The following CCDC177 variants were observed in gnomAD, a reference collection of about 807,000 sequenced individuals.
CCDC177 encodes coiled-coil domain-containing protein 177.
In CCDC177, 2 loss-of-function variants were observed where a neutral mutation model predicts 7.3. The observed-to-expected ratio is 0.28, with a 90% CI of 0.11 to 0.87. The LOEUF (loss-of-function observed/expected upper bound fraction) is 0.87, where lower values mean the gene tolerates loss of function less well. Among genes scored for constraint, CCDC177 ranks in the 40% least tolerant of loss-of-function variants. The pLI is 0.61. For missense variants in CCDC177, 874 were observed against 970.5 expected, an observed-to-expected ratio of 0.90 and a Z score of 1.32; for synonymous variants, 401 against 449.2, an observed-to-expected ratio of 0.89 and a Z score of 1.36.
rs1267039080 is a variant in CCDC177, at chr14:69,572,807, C to A, written c.816G>T (p.Arg272Ser). Residue 272 changes from arginine (R) to serine (S), a missense_variant, in exon 2 of 2, where the codon AGG becomes AGT. Transcript: ENST00000599174. ...ACGCCGACCCCGCTGGGCAGCTGTT[C>A]CTGGCCGAGGCCCGAGGCGGCCAGC... ...ELRWPPRASA[R>S]NSCPAGSASS... 8.1e-7 allele frequency: 1 copy of A among 1,231,464 alleles called. No homozygotes were observed. The highest frequency in any genetic ancestry group is 1.0e-6 in the Non-Finnish European group (1 of 987,784). The allele number at this position is 1,231,464 out of a possible 1,614,324, so 76.3% of individuals were successfully genotyped here.
At chr14:69,573,705 C>T (rs1032148814) in intron 1 of CCDC177, 55 bp from the exon 2 acceptor site, 1 of 1,222,658 alleles carries the variant, frequency 8.2e-7, no homozygotes. Flanking sequence ...CTTCCCCCCT[C>T]CTCATCCATA....
rs1884320647 is a variant in CCDC177 at position 69,571,404 on chromosome 14, G to T, written c.*95C>A. 5 of 882,082 alleles carry T rather than the reference G, an allele frequency of 5.7e-6. No individual in the cohort carries two copies. Among genetic ancestry groups the T allele is most frequent in the Admixed American group, 3.7e-5 (1 of 27,096 alleles). The allele number at this position is 882,082 out of a possible 1,614,324, so 54.6% of individuals were successfully genotyped here. On this transcript the variant is annotated 3_prime_UTR_variant, in exon 2 of 2. Transcript: ENST00000599174. ...TGGTCAGAAGCCTCGAGAGGCCACC[G>T]CGCTGCGCACCGAGCGGGGACTCCC...
rs1318633874 is a variant in CCDC177, at chr14:69,572,383, C to T, written c.1240G>A (p.Ala414Thr). The change falls in exon 2 of 2, where the codon GCG becomes ACG. Residue 414 changes from alanine to threonine, a missense_variant. Ala to Thr is a moderately conservative substitution (Grantham distance 58, BLOSUM62 0). Transcript: ENST00000599174. ...GRRGREEREA[A>T]RRRQRQYERS... ...TCGTACTGCCGCTGCCGCCGCCGCG[C>T]CGCCTCGCGCTCTTCGCGGCCACGG... is the stretch of plus-strand genomic sequence containing the variant. 6.6e-6 allele frequency: 8 copies of T among 1,220,270 alleles called. No homozygotes were observed. The East Asian group carries it at 2.6e-4, about 40-fold the overall frequency. 75.6% of individuals were successfully genotyped at this position (1,220,270 alleles called of 1,614,324 possible).
rs4899302 is a variant in CCDC177, at chr14:69,574,770, A to G, written c.-257T>C. Reference sequence around the variant, plus strand: ...AGGGGGAGTGCGACAATGTCTCCCTAAAATAACGCGGCTCTGCACCCTTCC... The same window carrying G: ...AGGGGGAGTGCGACAATGTCTCCCTGAAATAACGCGGCTCTGCACCCTTCC... On this transcript the variant is annotated 5_prime_UTR_variant, in exon 1 of 2. Coordinates refer to ENST00000599174, the MANE Select transcript of CCDC177 (RefSeq NM_001271507.2). The G allele has an allele frequency of 0.97, 146,960 of 152,278 alleles. 70,958 individuals carry two copies. Among genetic ancestry groups the G allele is most frequent in the South Asian group, 1 (4,810 of 4,820 alleles). 9.4% of individuals were successfully genotyped at this position (152,278 alleles called of 1,614,324 possible).
Position 69,572,917 on chromosome 14 carries a change from G to A in CCDC177, c.706C>T (p.Leu236=). The part of the protein sequence containing the change: ...TGRKSHSLDS[L]SRRREGALSS... Reference sequence around the variant, plus strand: ...AGGGCGCCCTCACGCCGGCGGGACAGTGAGTCCAGCGAATGGCTCTTCCTG... The same window carrying A: ...AGGGCGCCCTCACGCCGGCGGGACAATGAGTCCAGCGAATGGCTCTTCCTG... The change falls in exon 2 of 2, where the codon CTG becomes TTG. Residue 236 remains leucine (L), a synonymous_variant. Transcript: ENST00000599174. 1.6e-6 allele frequency: 2 copies of A among 1,231,466 alleles called. No individual in the cohort carries two copies. Among genetic ancestry groups the A allele is most frequent in the Non-Finnish European group, 1.0e-6 (1 of 987,806 alleles). The allele number at this position is 1,231,466 out of a possible 1,614,324, so 76.3% of individuals were successfully genotyped here.
intron 1 of CCDC177, among the ~76,000 whole-genome samples, 194 bp from the exon 2 acceptor site, chr14:69,573,844 C>G (rs920071310): frequency 1.3e-5 from 2 of 152,204 alleles, no homozygotes; most frequent in Non-Finnish European, 2.9e-5. Context: ...GGCGGACACT[C>G]GTGTTCAGAG....
Position 69,572,548 on chromosome 14 carries a change from G to C in CCDC177, c.1075C>G (p.Arg359Gly), listed in dbSNP as rs944663466. The C allele has an allele frequency of 8.1e-7, 1 of 1,231,124 alleles. No individual in the cohort carries two copies. Among genetic ancestry groups the C allele is most frequent in the Non-Finnish European group, 1.0e-6 (1 of 987,516 alleles). The allele number at this position is 1,231,124 out of a possible 1,614,324, so 76.3% of individuals were successfully genotyped here. A position where few individuals can be genotyped will look rare whatever the true frequency, so the allele number is the denominator to read the frequency against. Residue 359 changes from arginine (R) to glycine (G), a missense_variant, in exon 2 of 2, where the codon CGC (arginine) becomes GGC (glycine). Transcript: ENST00000599174. ...HQEELLLLEQ[R>G]AAAHGQWELQ... ...TCCCACTGGCCGTGGGCAGCCGCGCGTTGCTCCAGCAGCAGGAGCTCCTCC... is the reference window on the plus strand; with the variant it reads ...TCCCACTGGCCGTGGGCAGCCGCGCCTTGCTCCAGCAGCAGGAGCTCCTCC...
Position 69,570,561 on chromosome 14 carries a change from C to T in CCDC177, c.*938G>A. On this transcript the variant is annotated 3_prime_UTR_variant, in exon 2 of 2. Transcript: ENST00000599174. ...TCCTACACTCCAAACTCTCTGGGGC[C>T]CACCCTTGAGACGGCATGCAGGGCT... The T allele has an allele frequency of 2.9e-6, 1 of 350,852 alleles. No homozygotes were observed. The highest frequency in any genetic ancestry group is 5.6e-6 in the Non-Finnish European group (1 of 178,954). 21.7% of individuals were successfully genotyped at this position (350,852 alleles called of 1,614,324 possible).
In CCDC177 at chr14:69,572,099, C is replaced by G. The variant is rs954354607; in HGVS notation, c.1524G>C (p.Glu508Asp). 3 of 1,230,584 alleles carry G rather than the reference C, an allele frequency of 2.4e-6. No homozygotes were observed. The highest frequency in any genetic ancestry group is 3.0e-6 in the Non-Finnish European group (3 of 987,206). 76.2% of individuals were successfully genotyped at this position (1,230,584 alleles called of 1,614,324 possible). The change falls in exon 2 of 2, where the codon GAG (glutamate) becomes GAC (aspartate). Residue 508 changes from glutamate (E) to aspartate (D), a missense_variant. By Grantham distance (45) the Glu-to-Asp change is conservative (BLOSUM62 2). Transcript: ENST00000599174. ...QREKRELSRA[E>D]RARHEALLQG... ...GTAGCAGCGCCTCGTGGCGCGCCCG[C>G]TCGGCCCGGCTCAGCTCCCGCTTCT...
Position 69,573,278 on chromosome 14 carries a change from C to A in CCDC177, c.345G>T (p.Leu115=). The A allele has an allele frequency of 1.6e-6, 2 of 1,231,486 alleles. No individual in the cohort carries two copies. The highest frequency in any genetic ancestry group is 2.0e-6 in the Non-Finnish European group (2 of 987,788). The allele number at this position is 1,231,486 out of a possible 1,614,324, so 76.3% of individuals were successfully genotyped here. A position where few individuals can be genotyped will look rare whatever the true frequency, so the allele number is the denominator to read the frequency against. ...CCGGAGCCTCTCGCACCAGGTCGGC[C>A]AGGGCCCGTGGCAGCAGCTCCACCG... ...VKPVELLPRA[L]ADLVREAPGR... Residue 115 remains leucine (L), a synonymous_variant, in exon 2 of 2, where the codon CTG becomes CTT. Transcript: ENST00000599174.
At chr14:69,573,779 C>A in intron 1 of CCDC177, 129 bp from the exon 2 acceptor site, 1 of 888,014 alleles carries the variant, frequency 1.1e-6, no homozygotes, top group Non-Finnish European at 1.5e-6. Flanking sequence ...GAACGTAAAT[C>A]ATAAAACCGA....
Position 69,571,926 on chromosome 14 carries a change from T to G in CCDC177, c.1697A>C (p.Gln566Pro). ...LRERARREEL[Q>P]GRRAKEAAER... ...TGCCGCCTCCTTGGCCCGCCGACCC[T>G]GCAGCTCCTCTCGCCGGGCCCGCTC... is the stretch of plus-strand genomic sequence containing the variant. The change falls in exon 2 of 2, where the codon CAG becomes CCG. Residue 566 changes from glutamine (Q) to proline (P), a missense_variant. Coordinates refer to ENST00000599174, the MANE Select transcript of CCDC177 (RefSeq NM_001271507.2). 2 of 1,232,252 alleles carry G rather than the reference T, an allele frequency of 1.6e-6. No homozygotes were observed. Among genetic ancestry groups the G allele is most frequent in the Non-Finnish European group, 2.0e-6 (2 of 988,438 alleles). The allele number at this position is 1,232,252 out of a possible 1,614,324, so 76.3% of individuals were successfully genotyped here. A position where few individuals can be genotyped will look rare whatever the true frequency, so the allele number is the denominator to read the frequency against.
Position 69,570,839 on chromosome 14 carries a change from T to G in CCDC177, c.*660A>C, listed in dbSNP as rs1453703659. The G allele has an allele frequency of 4.4e-6, 2 of 457,606 alleles. No homozygotes were observed. The highest frequency in any genetic ancestry group is 2.3e-5 in the Admixed American group (1 of 42,572). The allele number at this position is 457,606 out of a possible 1,614,324, so 28.3% of individuals were successfully genotyped here. A position where few individuals can be genotyped will look rare whatever the true frequency, so the allele number is the denominator to read the frequency against. On this transcript the variant is annotated 3_prime_UTR_variant, in exon 2 of 2. Coordinates refer to ENST00000599174, the MANE Select transcript of CCDC177 (RefSeq NM_001271507.2). ...GGCAAAGGACAAAAATTGAACATTATCTGCAGATGACTGTCTAACTAGAAA... is the reference window on the plus strand; with the variant it reads ...GGCAAAGGACAAAAATTGAACATTAGCTGCAGATGACTGTCTAACTAGAAA...
At position 69,572,158 on chromosome 14, in the gene CCDC177, C is replaced by T. The variant is rs1884339190; in HGVS notation, c.1465G>A (p.Ala489Thr). 13 of 1,229,812 alleles carry T rather than the reference C, an allele frequency of 1.1e-5. No homozygotes were observed. The South Asian group carries it at 4.5e-4, about 43-fold the overall frequency. 76.2% of individuals were successfully genotyped at this position (1,229,812 alleles called of 1,614,324 possible). ...RRERAQRAARAKQRQEGQLQR... is the reference protein window; with the variant it reads ...RRERAQRAARTKQRQEGQLQR... ...AGCTGGCCCTCCTGCCGCTGCTTGG[C>T]GCGGGCCGCGCGCTGGGCGCGCTCC... Residue 489 changes from alanine to threonine, a missense_variant, in exon 2 of 2, where the codon GCC (alanine) becomes ACC (threonine). Transcript: ENST00000599174.
rs973874136 is a variant in CCDC177 at position 69,572,497 on chromosome 14, G to A, written c.1126C>T (p.Arg376Trp). 1.6e-6 allele frequency: 2 copies of A among 1,230,720 alleles called. No homozygotes were observed. The highest frequency in any genetic ancestry group is 4.2e-5 in the Admixed American group (1 of 23,660). 76.2% of individuals were successfully genotyped at this position (1,230,720 alleles called of 1,614,324 possible). The change falls in exon 2 of 2, where the codon CGG (arginine) becomes TGG (tryptophan). Residue 376 changes from arginine (R) to tryptophan (W), a missense_variant. Physicochemically the swap from Arg to Trp is moderately radical, Grantham distance 101. Coordinates refer to ENST00000599174, the MANE Select transcript of CCDC177 (RefSeq NM_001271507.2). The stretch of plus-strand genomic sequence containing the variant: ...TTCTCCCGCTCCTCGCGCTCCCGCC[G>A]CTGCTTGGCGTGCACGCGCTGCAGC... ...WELQRVHAKQ[R>W]REREEREKQR...
Position 69,573,072 on chromosome 14 carries a change from C to T in CCDC177, c.551G>A (p.Ser184Asn). The change falls in exon 2 of 2, where the codon AGC (serine) becomes AAC (asparagine). Residue 184 changes from serine to asparagine, a missense_variant. By Grantham distance (46) the Ser-to-Asn change is conservative. Coordinates refer to ENST00000599174, the MANE Select transcript of CCDC177 (RefSeq NM_001271507.2). ...AAAAAAASAP[S>N]AGSSSSCSSA... ...GCTGCAGCTGCTGCTGCTGCCCGCG[C>T]TCGGGGCCGAGGCCGCGGCGGCGGC... is the stretch of plus-strand genomic sequence containing the variant. 1 of 1,191,606 alleles carries T rather than the reference C, an allele frequency of 8.4e-7. No individual in the cohort carries two copies. The allele number at this position is 1,191,606 out of a possible 1,614,324, so 73.8% of individuals were successfully genotyped here. A position where few individuals can be genotyped will look rare whatever the true frequency, so the allele number is the denominator to read the frequency against.
chr14:69,572,149 G>C lies in CCDC177; in HGVS notation c.1474C>G (p.Arg492Gly). 8.1e-7 allele frequency: 1 copy of C among 1,230,766 alleles called. No homozygotes were observed. Among genetic ancestry groups the C allele is most frequent in the Non-Finnish European group, 1.0e-6 (1 of 987,420 alleles). The allele number at this position is 1,230,766 out of a possible 1,614,324, so 76.2% of individuals were successfully genotyped here. ...TCCCGCTGCAGCTGGCCCTCCTGCC[G>C]CTGCTTGGCGCGGGCCGCGCGCTGG... is the stretch of plus-strand genomic sequence containing the variant. Reference protein sequence around the residue: ...RAQRAARAKQRQEGQLQREKR... With the variant: ...RAQRAARAKQGQEGQLQREKR... The change falls in exon 2 of 2, where the codon CGG becomes GGG. Residue 492 changes from arginine (R) to glycine (G), a missense_variant. Coordinates refer to ENST00000599174, the MANE Select transcript of CCDC177 (RefSeq NM_001271507.2).
rs1248559494 is a variant in CCDC177, at chr14:69,574,636, G to T, written c.-123C>A. On this transcript the variant is annotated 5_prime_UTR_variant, in exon 1 of 2. Coordinates refer to ENST00000599174, the MANE Select transcript of CCDC177 (RefSeq NM_001271507.2). ...TTCAGTCTCTGCGCCGGCGGGGTCG[G>T]GTTACTGCCGGCTGCAACCGTGAAA... 6.6e-6 allele frequency: 1 copy of T among 152,168 alleles called. No individual in the cohort carries two copies. The highest frequency in any genetic ancestry group is 1.5e-5 in the Non-Finnish European group (1 of 68,054). The allele number at this position is 152,168 out of a possible 1,614,324, so 9.4% of individuals were successfully genotyped here.
Position 69,573,633 on chromosome 14 carries a change from C to T in CCDC177, c.-11G>A, listed in dbSNP as rs1448563684. ...CACTGGGTCCACCATGGCTGAGCCC[C>T]GTCCTTTGTTGGAATCTCTGCAGAT... On this transcript the variant is annotated 5_prime_UTR_variant, in exon 2 of 2. Transcript: ENST00000599174. 3 of 1,231,834 alleles carry T rather than the reference C, an allele frequency of 2.4e-6. No homozygotes were observed. Among genetic ancestry groups the T allele is most frequent in the Admixed American group, 4.2e-5 (1 of 23,722 alleles). 76.3% of individuals were successfully genotyped at this position (1,231,834 alleles called of 1,614,324 possible). A position where few individuals can be genotyped will look rare whatever the true frequency, so the allele number is the denominator to read the frequency against.
Sources: gnomAD v4.1 joint callset for allele counts (sites outside exome capture counted in the v4.1 genomes callset) on GRCh38, gnomAD v4.1.1 for gene constraint, MANE v1.5 for transcripts, NCBI Gene and HGNC (gene_info 2026-07-23, HGNC 2026-07-21) for gene names.